Variants in SGCD observed in about 807,000 individuals in gnomAD.
The protein encoded by SGCD is sarcoglycan delta.
Under a neutral mutation model 36.6 loss-of-function variants are expected in SGCD, and 18 were observed. The observed-to-expected ratio is 0.49, with a 90% CI of 0.34 to 0.73. The LOEUF is 0.73. Ranked by LOEUF, SGCD falls within the 30% of genes least tolerant of loss-of-function variation. SGCD has a pLI of 0.01. For missense variants in SGCD, 387 were observed against 346.7 expected, an observed-to-expected ratio of 1.12 and a Z score of -0.92; for synonymous variants, 133 against 130.6, an observed-to-expected ratio of 1.02 and a Z score of -0.12.
the SGCD span, among the ~76,000 whole-genome samples, chr5:155,731,917 C>T: frequency 6.6e-6 from 1 of 152,166 alleles, no homozygotes; most frequent in South Asian, 2.1e-4. Flanking sequence ...TAATTTGTTT[C>T]TGGATTTCTT....
Position 156,387,830 on chromosome 5 carries a change from C to T in SGCD, c.192+43153C>T, listed in dbSNP as rs549143073. Among the ~76,000 whole-genome samples the T allele has an allele frequency of 5.9e-5, 9 of 152,226 alleles. No individual in the cohort carries two copies. The South Asian group carries it at 6.2e-4, about 11-fold the overall frequency. ...TTGACACAAAATAAAATATACAAGA[C>T]GGTGCAGGACATTAGTTTCCCTATG... On this transcript the variant is annotated intron_variant, in intron 3 of 8. Transcript: ENST00000337851.
chr5:156,294,504 G>C (rs1766844333), intron 3 of SGCD, among the ~76,000 whole-genome samples: 1 of 152,082 alleles, frequency 6.6e-6, no homozygotes, highest in African/African-American at 2.4e-5. Flanking sequence ...CTCTGGCTGT[G>C]ACTTCCAGTT....
intron 3 of SGCD, among the ~76,000 whole-genome samples, chr5:156,493,028 GT>G (rs1165951390): frequency 1.4e-4 from 21 of 152,260 alleles, no homozygotes; most frequent in African/African-American, 5.1e-4. Flanking sequence ...AAATATACAT[GT>G]GCACGTGTCT....
At chr5:156,158,815 A>C (rs1763022506) in intron 3 of SGCD, among the ~76,000 whole-genome samples, 1 of 151,640 alleles carries the variant, frequency 6.6e-6, no homozygotes, top group African/African-American at 2.4e-5. Context: ...GCATTCAAAA[A>C]AATCACACAG....
At chr5:156,638,521 C>A (rs1474994392) in intron 6 of SGCD, among the ~76,000 whole-genome samples, 1 of 152,206 alleles carries the variant, frequency 6.6e-6, no homozygotes, top group Admixed American at 6.5e-5. Context: ...CAGCTTATCG[C>A]TGATGCTTTG....
chr5:155,743,252 T>C, the SGCD span, among the ~76,000 whole-genome samples: 1 of 152,198 alleles, frequency 6.6e-6, no homozygotes, highest in Admixed American at 6.5e-5. Context: ...ATGCTGAGGC[T>C]ATCCAGGAGC....
intron 1 of SGCD, among the ~76,000 whole-genome samples, chr5:156,021,012 T>C (rs1759084451): frequency 6.6e-6 from 1 of 152,350 alleles, no homozygotes; most frequent in East Asian, 1.9e-4. Flanking sequence ...TCTTTCTTCA[T>C]CCACAAATTG....
At chr5:155,873,881 C>T (rs1755709687) in intron 1 of SGCD, among the ~76,000 whole-genome samples, 1 of 152,116 alleles carries the variant, frequency 6.6e-6, no homozygotes, top group Non-Finnish European at 1.5e-5. Flanking sequence ...GTTTTAAATA[C>T]CATCTCAGAA....
At position 156,259,877 on chromosome 5, in the gene SGCD, G is replaced by T. The variant is rs1765811836; in HGVS notation, c.-43-69657G>T. Among the ~76,000 whole-genome samples the T allele has an allele frequency of 2.0e-5, 3 of 152,062 alleles. No homozygotes were observed. In the South Asian group the frequency reaches 6.2e-4, roughly 31 times the overall value. ...TGGGATGCCGTTTGTCATGTTATGA[G>T]GTTGCAAAAAGGCACTCACCAGATG... On this transcript the variant is annotated intron_variant, in intron 3 of 9. Transcript: ENST00000517913.
At chr5:155,792,433 CAA>C in the SGCD span, among the ~76,000 whole-genome samples, 2,640 of 92,284 alleles carry the variant, frequency 0.029, 43 homozygotes, top group African/African-American at 0.069. Context: ...TTCTACATAG[CAA>C]AAAAAAAAAA....
intron 1 of SGCD, among the ~76,000 whole-genome samples, chr5:155,894,931 G>C (rs1756214489): frequency 6.6e-6 from 1 of 152,082 alleles, no homozygotes; most frequent in Non-Finnish European, 1.5e-5. Context: ...GCCACCCCTG[G>C]TCCATGGAAA....
chr5:156,567,347 G>A (rs993373990), intron 4 of SGCD, among the ~76,000 whole-genome samples: 2 of 149,476 alleles, frequency 1.3e-5, no homozygotes, highest in Non-Finnish European at 3.0e-5. Flanking sequence ...GAGGGAGTGA[G>A]GCAGGGAGGG....
chr5:156,072,173 A>C (rs1257258730), intron 1 of SGCD, among the ~76,000 whole-genome samples: 1 of 134,280 alleles, frequency 7.4e-6, no homozygotes, highest in Non-Finnish European at 1.5e-5. Context: ...TCCTGTCATT[A>C]TGATATTAGC....
intron 3 of SGCD, among the ~76,000 whole-genome samples, chr5:156,351,787 C>A (rs1288113046): frequency 1.3e-5 from 2 of 152,080 alleles, no homozygotes; most frequent in Non-Finnish European, 2.9e-5. Context: ...AACTTGAGAT[C>A]AAACAGCTAT....
At chr5:156,183,940 A>G (rs1763669504) in intron 3 of SGCD, among the ~76,000 whole-genome samples, 1 of 152,160 alleles carries the variant, frequency 6.6e-6, no homozygotes, top group Non-Finnish European at 1.5e-5. Flanking sequence ...ATACAGATGT[A>G]CCTCAGCTTT....
At chr5:156,376,709 C>T (rs551761108) in intron 3 of SGCD, among the ~76,000 whole-genome samples, 6 of 152,086 alleles carry the variant, frequency 3.9e-5, no homozygotes, top group African/African-American at 9.6e-5. Context: ...GTATTTTAGC[C>T]TTAATTATAC....
At chr5:156,562,606 G>C (rs1218696036) in intron 4 of SGCD, among the ~76,000 whole-genome samples, 1 of 151,934 alleles carries the variant, frequency 6.6e-6, no homozygotes, top group African/African-American at 2.4e-5. Context: ...TTTGAGGAGA[G>C]GAAACGCAGT....
At chr5:156,734,749 T>TGTCA (rs1338352600) in intron 7 of SGCD, among the ~76,000 whole-genome samples, 6 of 152,222 alleles carry the variant, frequency 3.9e-5, no homozygotes, top group Non-Finnish European at 8.8e-5. Flanking sequence ...CTATTTTGGC[T>TGTCA]GTCAGTTCCT....
chr5:156,414,702 C>A (rs947707229), intron 3 of SGCD, among the ~76,000 whole-genome samples: 1 of 152,124 alleles, frequency 6.6e-6, no homozygotes, highest in African/African-American at 2.4e-5. Flanking sequence ...TTTGCAGATC[C>A]CATTATAAAC....
Sources: gnomAD v4.1 joint callset for allele counts (sites outside exome capture counted in the v4.1 genomes callset) on GRCh38, gnomAD v4.1.1 for gene constraint, MANE v1.5 for transcripts, NCBI Gene and HGNC (gene_info 2026-07-23, HGNC 2026-07-21) for gene names.